The following ZDHHC2 variants were observed in gnomAD, a reference collection of about 807,000 sequenced individuals.
The protein encoded by ZDHHC2 is palmitoyltransferase ZDHHC2.
Under a neutral mutation model 55.6 loss-of-function variants are expected in ZDHHC2, and 51 were observed. The observed-to-expected ratio is 0.92, with a 90% confidence interval of 0.73 to 1.16. The LOEUF (loss-of-function observed/expected upper bound fraction) is 1.16. Among genes scored for constraint, ZDHHC2 ranks in the 50% most tolerant of loss-of-function variants. The probability of loss-of-function intolerance (pLI) is 0.00; values close to 1 mark genes in which losing one functional copy is unlikely to be tolerated. For synonymous variants in ZDHHC2, 199 were observed against 152.9 expected (o/e 1.30, Z -2.22); for missense variants, 491 against 442.4 (o/e 1.11, Z -0.99).
chr8:17,170,267 G>A (rs1481162546), intron 1 of ZDHHC2, among the ~76,000 whole-genome samples: 1 of 152,210 alleles, frequency 6.6e-6, no homozygotes, highest in Non-Finnish European at 1.5e-5. Flanking sequence ...CTAGTGAATA[G>A]CTGGATACTC....
chr8:17,191,343 C>T (rs1278642956), intron 3 of ZDHHC2, among the ~76,000 whole-genome samples: 1 of 152,150 alleles, frequency 6.6e-6, no homozygotes, highest in East Asian at 1.9e-4. Flanking sequence ...GTGATCCACT[C>T]GCCTTGGCCT....
intron 1 of ZDHHC2, among the ~76,000 whole-genome samples, chr8:17,180,421 C>T (rs895755392): frequency 6.6e-6 from 1 of 152,130 alleles, no homozygotes; most frequent in Non-Finnish European, 1.5e-5. Flanking sequence ...TATTTTCACT[C>T]GCCAAGTCTA....
intron 4 of ZDHHC2, among the ~76,000 whole-genome samples, chr8:17,195,918 G>C (rs1341935553): frequency 6.6e-5 from 10 of 152,252 alleles, no homozygotes; most frequent in Middle Eastern, 6.8e-3. Flanking sequence ...ATTTATGGTA[G>C]TACTCATGTT....
intron 1 of ZDHHC2, among the ~76,000 whole-genome samples, chr8:17,163,568 A>C (rs979335886): frequency 6.6e-6 from 1 of 152,194 alleles, no homozygotes; most frequent in African/African-American, 2.4e-5. Flanking sequence ...AAATAGAGCT[A>C]TACTTACATT....
chr8:17,161,783 CG>C (rs947432178), intron 1 of ZDHHC2, among the ~76,000 whole-genome samples: 4 of 151,804 alleles, frequency 2.6e-5, no homozygotes, highest in African/African-American at 9.7e-5. Context: ...TTGCCTGAAC[CG>C]GGGAGGCAGA....
At chr8:17,209,526 A>C (rs1299068036) in intron 8 of ZDHHC2, among the ~76,000 whole-genome samples, 3 of 152,168 alleles carry the variant, frequency 2.0e-5, no homozygotes, top group Non-Finnish European at 4.4e-5. Context: ...CAAAGGTTGT[A>C]GAATGTATGT....
chr8:17,188,598 C>G (rs1354388951), intron 3 of ZDHHC2, among the ~76,000 whole-genome samples: 1 of 152,102 alleles, frequency 6.6e-6, no homozygotes, highest in African/African-American at 2.4e-5. Flanking sequence ...TGGAATGTTC[C>G]AGAGCTTAAT....
At chr8:17,215,941 C>T (rs1585744773) in intron 11 of ZDHHC2, among the ~76,000 whole-genome samples, 1 of 152,184 alleles carries the variant, frequency 6.6e-6, no homozygotes, top group Admixed American at 6.5e-5. Flanking sequence ...AATTTGGGCT[C>T]CTAGTAGGGT....
intron 1 of ZDHHC2, among the ~76,000 whole-genome samples, chr8:17,173,968 G>A (rs1804994619): frequency 6.6e-6 from 1 of 152,098 alleles, no homozygotes; most frequent in African/African-American, 2.4e-5. Flanking sequence ...ATACAGAGAG[G>A]CATCGAGGGA....
chr8:17,197,406 C>T (rs942206391), intron 4 of ZDHHC2, among the ~76,000 whole-genome samples, 176 bp from the exon 5 acceptor site: 1 of 152,122 alleles, frequency 6.6e-6, no homozygotes, highest in Non-Finnish European at 1.5e-5. Context: ...AGAACTGTGG[C>T]TGTAGGCAAG....
At chr8:17,208,637 A>G (rs994014808) in intron 8 of ZDHHC2, among the ~76,000 whole-genome samples, 1 of 152,174 alleles carries the variant, frequency 6.6e-6, no homozygotes, top group African/African-American at 2.4e-5. Context: ...TACAGTGGGT[A>G]GTCAATTAGT....
intron 5 of ZDHHC2, among the ~76,000 whole-genome samples, chr8:17,197,904 T>A (rs952629142): frequency 6.6e-6 from 1 of 152,202 alleles, no homozygotes; most frequent in African/African-American, 2.4e-5. Flanking sequence ...CTTGGCTGGT[T>A]CAATTTAGGA....
At chr8:17,177,020 T>C (rs1054935295) in intron 1 of ZDHHC2, among the ~76,000 whole-genome samples, 2 of 152,210 alleles carry the variant, frequency 1.3e-5, no homozygotes, top group African/African-American at 4.8e-5. Context: ...GGTGTCACTT[T>C]TGACCTCTAA....
At chr8:17,163,068 T>A (rs1237163298) in intron 1 of ZDHHC2, among the ~76,000 whole-genome samples, 1 of 152,224 alleles carries the variant, frequency 6.6e-6, no homozygotes, top group African/African-American at 2.4e-5. Context: ...GTCCAGGGCC[T>A]GTGACCTTGT....
At chr8:17,217,086 G>A in intron 11 of ZDHHC2, 86 bp from the exon 12 acceptor site, 3 of 1,345,354 alleles carry the variant, frequency 2.2e-6, no homozygotes, top group Non-Finnish European at 3.1e-6. Flanking sequence ...GTCTACCAAG[G>A]GATTCCTTAT....
At chr8:17,159,760 AC>A (rs1318111074) in intron 1 of ZDHHC2, among the ~76,000 whole-genome samples, 1 of 152,218 alleles carries the variant, frequency 6.6e-6, no homozygotes, top group Non-Finnish European at 1.5e-5. Flanking sequence ...AGAAAAGATC[AC>A]AAAAGACAGT....
chr8:17,163,122 G>A (rs1804430362), intron 1 of ZDHHC2, among the ~76,000 whole-genome samples: 1 of 152,224 alleles, frequency 6.6e-6, no homozygotes, highest in Non-Finnish European at 1.5e-5. Flanking sequence ...TCCACGGCGA[G>A]CCTGGAGAGC....
chr8:17,183,285 A>C (rs1362280720), intron 1 of ZDHHC2, among the ~76,000 whole-genome samples: 2 of 152,200 alleles, frequency 1.3e-5, no homozygotes, highest in South Asian at 2.1e-4. Flanking sequence ...AAGAGTTGTC[A>C]ATTTTGGAGC....
intron 1 of ZDHHC2, among the ~76,000 whole-genome samples, chr8:17,175,661 T>C (rs775775855): frequency 3.3e-5 from 5 of 152,186 alleles, no homozygotes; most frequent in Non-Finnish European, 7.4e-5. Context: ...GAGATAAACA[T>C]TGAGATAATG....
Sources: allele counts gnomAD v4.1 joint callset (sites outside exome capture counted in the v4.1 genomes callset), GRCh38; gene constraint gnomAD v4.1.1; transcripts MANE v1.5; gene names NCBI Gene and HGNC (gene_info 2026-07-23, HGNC 2026-07-21).